The following PPAT variants were observed in gnomAD, a reference collection of about 807,000 sequenced individuals.
The protein encoded by PPAT is amidophosphoribosyltransferase.
Under a neutral mutation model 60.2 loss-of-function variants are expected in PPAT, and 20 were observed. That is an observed-to-expected ratio of 0.33 (90% CI 0.23 to 0.48). The LOEUF is 0.48. Ranked by LOEUF, PPAT falls within the 20% of genes least tolerant of loss-of-function variation. PPAT has a pLI of 0.99. For synonymous variants in PPAT, 194 were observed against 215.1 expected (o/e 0.90, Z 0.86); for missense variants, 349 against 629.6 (o/e 0.55, Z 4.77).
chr4:56,401,886 T>C (rs780815840), intron 6 of PPAT, among the ~76,000 whole-genome samples: 29 of 152,154 alleles, frequency 1.9e-4, no homozygotes, highest in Admixed American at 1.0e-3. Flanking sequence ...ATAAGTTTCA[T>C]AGTATCTTGA....
At chr4:56,417,842 GT>G (rs35004501) in intron 1 of PPAT, among the ~76,000 whole-genome samples, 75,003 of 135,986 alleles carry the variant, frequency 0.55, 19,996 homozygotes, top group Admixed American at 0.67. Context: ...TTGGTTTTTT[GT>G]TTTTTTTTTT....
chr4:56,402,087 T>A (rs1471501960), intron 6 of PPAT, 22 bp downstream of exon 6: 1 of 1,505,588 alleles, frequency 6.6e-7, no homozygotes, highest in Non-Finnish European at 9.0e-7. Context: ...AAATAAAATA[T>A]GTCAAACAAG....
intron 8 of PPAT, 82 bp downstream of exon 8, chr4:56,400,702 G>A (rs1163169723): frequency 2.2e-6 from 3 of 1,359,560 alleles, no homozygotes; most frequent in Admixed American, 2.4e-5. Context: ...TAGAAATGTT[G>A]ATGAGTTTCT....
At chr4:56,419,868 C>T (rs954900194) in intron 1 of PPAT, 2 of 984,462 alleles carry the variant, frequency 2.0e-6, no homozygotes, top group African/African-American at 3.5e-5. Context: ...AAACCTAAAA[C>T]ACGAATACAA....
At chr4:56,400,614 G>T in intron 8 of PPAT, 170 bp downstream of exon 8, 1 of 663,284 alleles carries the variant, frequency 1.5e-6, no homozygotes, top group Non-Finnish European at 2.3e-6. Context: ...CTAAAATAGT[G>T]CCATTGGATA....
intron 1 of PPAT, among the ~76,000 whole-genome samples, chr4:56,431,830 C>T (rs13147824): frequency 0.68 from 103,286 of 152,086 alleles, 35,204 homozygotes; most frequent in South Asian, 0.76. Context: ...TTCAGAACTC[C>T]GCAAACTACT....
At chr4:56,402,855 GGA>G in intron 5 of PPAT, among the ~76,000 whole-genome samples, 183 bp downstream of exon 5, 1 of 145,486 alleles carries the variant, frequency 6.9e-6, no homozygotes, top group Admixed American at 6.9e-5. Flanking sequence ...AAAAGGGGGG[GGA>G]CTCATCCTCA....
intron 1 of PPAT, among the ~76,000 whole-genome samples, chr4:56,413,372 C>G (rs1716564446): frequency 1.3e-5 from 2 of 152,218 alleles, no homozygotes; most frequent in Admixed American, 6.5e-5. Context: ...CCAGGCTGGT[C>G]TCGAAGTCCT....
At chr4:56,413,105 A>G (rs1716546209) in intron 1 of PPAT, among the ~76,000 whole-genome samples, 1 of 152,054 alleles carries the variant, frequency 6.6e-6, no homozygotes, top group South Asian at 2.1e-4. Context: ...TCAGGAGGAT[A>G]TAATTACTTT....
rs75202480 is a variant in PPAT, at chr4:56,405,639, G to A, written c.402+856C>T. Among the ~76,000 whole-genome samples the A allele has an allele frequency of 1.2e-3, 186 of 152,334 alleles. 3 individuals are homozygous for A. The East Asian group carries it at 0.03, about 24-fold the overall frequency. On this transcript the variant is annotated intron_variant, in intron 3 of 10. Coordinates refer to ENST00000264220, the MANE Select transcript of PPAT (RefSeq NM_002703.5). ...AATCCACAATGACTAGGTTCAGAGA[G>A]CTTCTGGATAGCTGAACACTTGGAG...
Position 56,399,302 on chromosome 4 carries a change from T to C in PPAT, c.1113A>G (p.Lys371=). ...AGTTGTCTGACAATACTCCAAATTTTTTTGCAACACCAAGTTGTCTTAACC... is the reference window on the plus strand; with the variant it reads ...AGTTGTCTGACAATACTCCAAATTTCTTTGCAACACCAAGTTGTCTTAACC... ...NMRLRQLGVA[K]KFGVLSDNFK... is the part of the protein sequence containing the mutation. Residue 371 remains lysine (K), a synonymous_variant, in exon 9 of 11, where the codon AAA becomes AAG. Coordinates refer to ENST00000264220, the MANE Select transcript of PPAT (RefSeq NM_002703.5). The C allele has an allele frequency of 6.2e-7, 1 of 1,614,018 alleles. No individual in the cohort carries two copies. Among genetic ancestry groups the C allele is most frequent in the Non-Finnish European group, 8.5e-7 (1 of 1,179,960 alleles).
At chr4:56,422,796 TGAAAGGTG>T (rs1325973582) in intron 1 of PPAT, 3 of 152,142 alleles carry the variant, frequency 2.0e-5, no homozygotes, top group Non-Finnish European at 4.4e-5. Flanking sequence ...AACACATAAA[TGAAAGGTG>T]GAAATAATTA....
chr4:56,429,533 A>C (rs1212431165), intron 1 of PPAT, among the ~76,000 whole-genome samples: 1 of 152,204 alleles, frequency 6.6e-6, no homozygotes, highest in Non-Finnish European at 1.5e-5. Flanking sequence ...GAAAATGCAC[A>C]TAAGACTAAT....
chr4:56,402,845 AAAAGGG>A (rs1716149042), intron 5 of PPAT, among the ~76,000 whole-genome samples, 189 bp downstream of exon 5: 3 of 75,860 alleles, frequency 4.0e-5, no homozygotes, highest in African/African-American at 1.7e-4. Flanking sequence ...AAAAAAAAAA[AAAAGGG>A]GGGGGACTCA....
chr4:56,394,761 G>A lies in PPAT; in HGVS notation c.*591C>T, dbSNP rs1715919313. ...GTTGTCTTAAAATCAGAAGTGAAAT[G>A]ATGGCTCAAATCACAAAAGTATGAC... is the stretch of plus-strand genomic sequence containing the variant. On this transcript the variant is annotated 3_prime_UTR_variant, in exon 11 of 11. Transcript: ENST00000264220. 1 of 152,024 alleles carries A rather than the reference G, an allele frequency of 6.6e-6. No homozygotes were observed. Among genetic ancestry groups the A allele is most frequent in the Non-Finnish European group, 1.5e-5 (1 of 68,008 alleles). The allele number at this position is 152,024 out of a possible 1,614,324, so 9.4% of individuals were successfully genotyped here. A position where few individuals can be genotyped will look rare whatever the true frequency, so the allele number is the denominator to read the frequency against.
intron 1 of PPAT, among the ~76,000 whole-genome samples, chr4:56,416,770 GA>G (rs1716773212): frequency 6.6e-6 from 1 of 152,158 alleles, no homozygotes; most frequent in Non-Finnish European, 1.5e-5. Flanking sequence ...TTTTACATCT[GA>G]AAGTAAACAT....
At chr4:56,412,918 T>C (rs1716535978) in intron 1 of PPAT, among the ~76,000 whole-genome samples, 1 of 152,196 alleles carries the variant, frequency 6.6e-6, no homozygotes, top group African/African-American at 2.4e-5. Flanking sequence ...TTTGGTTGCA[T>C]TAAAAATAAT....
intron 1 of PPAT, among the ~76,000 whole-genome samples, chr4:56,424,892 C>T (rs1717213223): frequency 6.6e-6 from 1 of 152,082 alleles, no homozygotes; most frequent in African/African-American, 2.4e-5. Flanking sequence ...CACAGTTAAA[C>T]CTATTTTAGG....
At chr4:56,418,264 C>G (rs1245954309) in intron 1 of PPAT, among the ~76,000 whole-genome samples, 3 of 152,282 alleles carry the variant, frequency 2.0e-5, no homozygotes, top group South Asian at 2.1e-4. Context: ...GGTCTCTCCA[C>G]TACACTCTAG....
Sources: gnomAD v4.1 joint callset for allele counts (sites outside exome capture counted in the v4.1 genomes callset) on GRCh38, gnomAD v4.1.1 for gene constraint, MANE v1.5 for transcripts, NCBI Gene and HGNC (gene_info 2026-07-23, HGNC 2026-07-21) for gene names.